Variants in SPAG16 observed in about 807,000 individuals in gnomAD.
SPAG16 encodes the protein sperm-associated antigen 16 protein.
In SPAG16, 86 loss-of-function variants were observed where a neutral mutation model predicts 80.4. That is an observed-to-expected ratio of 1.07 (90% CI 0.90 to 1.28). The LOEUF (loss-of-function observed/expected upper bound fraction) is 1.28. Among genes scored for constraint, SPAG16 ranks in the 50% most tolerant of loss-of-function variants. SPAG16 has a pLI of 0.00. For missense variants in SPAG16, 870 were observed against 765.3 expected, an observed-to-expected ratio of 1.14 and a Z score of -1.61; for synonymous variants, 294 against 265.9, an observed-to-expected ratio of 1.11 and a Z score of -1.03.
intron 15 of SPAG16, chr2:214,281,322 T>C (rs577534889): frequency 3.3e-4 from 69 of 208,190 alleles, no homozygotes; most frequent in South Asian, 4.5e-4. Context: ...GGGTGTTTCC[T>C]ATTTATTTTT....
At chr2:213,532,109 G>A (rs1278785719) in intron 10 of SPAG16, among the ~76,000 whole-genome samples, 2 of 152,050 alleles carry the variant, frequency 1.3e-5, no homozygotes, top group Non-Finnish European at 1.5e-5. Flanking sequence ...AAAATTATGA[G>A]CATTATATAT....
In SPAG16 at chr2:213,340,687, T is replaced by C. The variant is rs75063481; in HGVS notation, c.644+417T>C. 2.1e-3 allele frequency among the ~76,000 whole-genome samples: 326 copies of C among 152,290 alleles called. 1 individual carries two copies. The highest frequency in any genetic ancestry group is 7.5e-3 in the African/African-American group (311 of 41,566). On this transcript the variant is annotated intron_variant, in intron 6 of 15. Transcript: ENST00000331683. ...AAAAAACATGTTACGTTCATCAAAT[T>C]GTGTACATAGAGAGTAAAGTGCAGC...
chr2:214,303,039 C>T (rs561791145), intron 15 of SPAG16, among the ~76,000 whole-genome samples: 5 of 152,162 alleles, frequency 3.3e-5, no homozygotes, highest in South Asian at 2.1e-4. Context: ...GTCTTGAAGA[C>T]GGCAGATAGT....
rs115375572 is a variant in SPAG16 at position 214,091,288 on chromosome 2, A to G, written c.1528-16908A>G. Among the ~76,000 whole-genome samples the G allele has an allele frequency of 5.7e-3, 869 of 152,228 alleles. 13 individuals carry two copies. The highest frequency in any genetic ancestry group is 0.02 in the African/African-American group (814 of 41,568). ...TTTCATTTATTTCTCAAAAATCTGT[A>G]ATAAAACTACTAATACTACTCCATT... On this transcript the variant is annotated intron_variant, in intron 13 of 15. Transcript: ENST00000331683.
intron 15 of SPAG16, among the ~76,000 whole-genome samples, chr2:214,266,611 G>A (rs1691592393): frequency 1.3e-5 from 2 of 151,708 alleles, no homozygotes; most frequent in Non-Finnish European, 3.0e-5. Context: ...GCTAAAGAAA[G>A]AAATAAAAGG....
At chr2:213,758,981 C>T (rs952236020) in intron 10 of SPAG16, among the ~76,000 whole-genome samples, 14 of 152,116 alleles carry the variant, frequency 9.2e-5, no homozygotes, top group East Asian at 3.8e-4. Flanking sequence ...TCACCAGAAA[C>T]GTTGCAGGCC....
At position 213,460,827 on chromosome 2, in the gene SPAG16, A is replaced by G. The variant is rs555119546; in HGVS notation, c.943-29136A>G. On this transcript the variant is annotated intron_variant, in intron 9 of 15. Coordinates refer to ENST00000331683, the MANE Select transcript of SPAG16 (RefSeq NM_024532.5). Reference sequence around the variant, plus strand: ...CACTAAATCTTTCACACTCATTATCATTCTATAGTGCAAAAATGAATAATG... The same window carrying G: ...CACTAAATCTTTCACACTCATTATCGTTCTATAGTGCAAAAATGAATAATG... Among the ~76,000 whole-genome samples the G allele has an allele frequency of 3.3e-5, 5 of 152,284 alleles. No homozygotes were observed. In the East Asian group the frequency reaches 9.6e-4, roughly 29 times the overall value.
At chr2:213,528,561 C>T (rs530373513) in intron 10 of SPAG16, among the ~76,000 whole-genome samples, 5 of 152,076 alleles carry the variant, frequency 3.3e-5, no homozygotes, top group East Asian at 1.9e-4. Context: ...AAAAATTATA[C>T]GTGTAAAACC....
chr2:214,010,698 C>A lies in SPAG16; in HGVS notation c.1401-3253C>A, dbSNP rs1241948410. Among the ~76,000 whole-genome samples the A allele has an allele frequency of 5.5e-5, 8 of 146,446 alleles. No individual in the cohort carries two copies. In the South Asian group the frequency reaches 1.3e-3, roughly 24 times the overall value. ...AACTGCTGTTGAAGTACTGAATAAT[C>A]ATTAAACTGTATAAAAGTATGGATG... On this transcript the variant is annotated intron_variant, in intron 12 of 15. Transcript: ENST00000331683.
chr2:214,329,434 A>G (rs565751356), intron 15 of SPAG16, among the ~76,000 whole-genome samples: 4 of 152,398 alleles, frequency 2.6e-5, no homozygotes, highest in South Asian at 4.1e-4. Flanking sequence ...AATAGATAAC[A>G]TAGAATCAAA....
At position 213,746,999 on chromosome 2, in the gene SPAG16, A is replaced by G. The variant is rs1034492715; in HGVS notation, c.1071-115486A>G. 3.3e-5 allele frequency among the ~76,000 whole-genome samples: 5 copies of G among 152,292 alleles called. No individual in the cohort carries two copies. The South Asian group carries it at 1.0e-3, about 32-fold the overall frequency. On this transcript the variant is annotated intron_variant, in intron 10 of 15. Coordinates refer to ENST00000331683, the MANE Select transcript of SPAG16 (RefSeq NM_024532.5). Reference sequence around the variant, plus strand: ...TCTCAGGTCCTTTAAGAAGTATTCCATAAGAAGGTATTGTCATAAAAGGAG... The same window carrying G: ...TCTCAGGTCCTTTAAGAAGTATTCCGTAAGAAGGTATTGTCATAAAAGGAG...
At chr2:214,400,597 C>T (rs1384383283) in intron 15 of SPAG16, among the ~76,000 whole-genome samples, 1 of 151,748 alleles carries the variant, frequency 6.6e-6, no homozygotes, top group African/African-American at 2.4e-5. Flanking sequence ...GAACCAACAA[C>T]CCCATAGATA....
intron 10 of SPAG16, among the ~76,000 whole-genome samples, chr2:213,649,329 A>G (rs2062939982): frequency 6.6e-6 from 1 of 152,208 alleles, no homozygotes; most frequent in Admixed American, 6.5e-5. Context: ...AACTGGAAAG[A>G]TAGGTCTGTG....
At chr2:214,046,462 G>A (rs1344496183) in intron 13 of SPAG16, among the ~76,000 whole-genome samples, 1 of 152,110 alleles carries the variant, frequency 6.6e-6, no homozygotes, top group Non-Finnish European at 1.5e-5. Flanking sequence ...CCAAATATTA[G>A]CAAATTGAAT....
intron 5 of SPAG16, among the ~76,000 whole-genome samples, chr2:213,336,649 A>G (rs2064376825): frequency 6.6e-6 from 1 of 152,066 alleles, no homozygotes; most frequent in African/African-American, 2.4e-5. Flanking sequence ...CCTTAAGTAG[A>G]ACACTGATCC....
intron 15 of SPAG16, among the ~76,000 whole-genome samples, chr2:214,186,716 A>G (rs1189062621): frequency 2.6e-5 from 4 of 152,080 alleles, no homozygotes; most frequent in Admixed American, 2.6e-4. Flanking sequence ...GATAAAAAAG[A>G]GCTCAATACA....
intron 10 of SPAG16, among the ~76,000 whole-genome samples, chr2:213,749,778 T>C (rs1263323924): frequency 6.6e-6 from 1 of 152,362 alleles, no homozygotes; most frequent in East Asian, 1.9e-4. Context: ...TTGTCATTTC[T>C]TTACTTAGGC....
In SPAG16 at chr2:213,926,267, G is replaced by A. The variant is rs913609062; in HGVS notation, c.1215-3693G>A. ...ATTTTTTATTTCCATAGGTTTTTGC[G>A]GAACAGGTGGTGTTTGGTTACATGA... On this transcript the variant is annotated intron_variant, in intron 11 of 15. Coordinates refer to ENST00000331683, the MANE Select transcript of SPAG16 (RefSeq NM_024532.5). Among the ~76,000 whole-genome samples, 6 of 151,740 alleles carry A rather than the reference G, an allele frequency of 4.0e-5. No homozygotes were observed. In the East Asian group the frequency reaches 5.8e-4, roughly 15 times the overall value.
At chr2:214,158,644 T>A (rs1432591758) in intron 15 of SPAG16, among the ~76,000 whole-genome samples, 1 of 151,990 alleles carries the variant, frequency 6.6e-6, no homozygotes, top group Non-Finnish European at 1.5e-5. Flanking sequence ...CAAAGGAGTG[T>A]CATTGGTTAA....
Sources: gnomAD v4.1 joint callset for allele counts (sites outside exome capture counted in the v4.1 genomes callset) on GRCh38, gnomAD v4.1.1 for gene constraint, MANE v1.5 for transcripts, NCBI Gene and HGNC (gene_info 2026-07-23, HGNC 2026-07-21) for gene names.